DCLK2: variants seen among roughly 807,000 people sequenced by gnomAD.
DCLK2 encodes the protein serine/threonine-protein kinase DCLK2.
Under a neutral mutation model 78.4 loss-of-function variants are expected in DCLK2, and 31 were observed. That is an observed-to-expected ratio of 0.40 (90% confidence interval 0.30 to 0.53). DCLK2 has a LOEUF of 0.53. Ranked by LOEUF, DCLK2 falls within the 20% of genes least tolerant of loss-of-function variation. The probability of loss-of-function intolerance (pLI) is 0.61; values close to 1 mark genes in which losing one functional copy is unlikely to be tolerated. For missense variants in DCLK2, 872 were observed against 973.7 expected, an observed-to-expected ratio of 0.90 and a Z score of 1.39; for synonymous variants, 407 against 374.9, an observed-to-expected ratio of 1.09 and a Z score of -0.99.
intron 1 of DCLK2, among the ~76,000 whole-genome samples, chr4:150,086,340 A>G (rs1471674628): frequency 6.6e-6 from 1 of 152,166 alleles, no homozygotes; most frequent in African/African-American, 2.4e-5. Context: ...GTTAAAGGCA[A>G]ATATTCCTTG....
chr4:150,158,713 G>A (rs1735496765), intron 2 of DCLK2, among the ~76,000 whole-genome samples: 1 of 152,146 alleles, frequency 6.6e-6, no homozygotes, highest in South Asian at 2.1e-4. Context: ...AACTGAAATA[G>A]TAGTGATTAA....
At position 150,203,782 on chromosome 4, in the gene DCLK2, G is replaced by A; in HGVS notation, c.962-13G>A. ...TAATGGGACTTCTGTCTTCTTTGTT[G>A]TCTCATGGGCAGTTAATGGAACTCC... On this transcript the variant is annotated splice_polypyrimidine_tract_variant and intron_variant, in intron 4 of 15. Coordinates refer to ENST00000296550, the MANE Select transcript of DCLK2 (RefSeq NM_001040260.4). 2 of 1,606,738 alleles carry A rather than the reference G, an allele frequency of 1.2e-6. No homozygotes were observed. The highest frequency in any genetic ancestry group is 1.7e-6 in the Non-Finnish European group (2 of 1,173,652).
At chr4:150,223,607 G>A (rs927327560) in intron 7 of DCLK2, among the ~76,000 whole-genome samples, 1 of 152,122 alleles carries the variant, frequency 6.6e-6, no homozygotes, top group Non-Finnish European at 1.5e-5. Context: ...GCCCAGTGGT[G>A]TTGGCAGGTG....
intron 5 of DCLK2, among the ~76,000 whole-genome samples, chr4:150,217,001 C>T (rs1161492515): frequency 6.6e-6 from 1 of 152,186 alleles, no homozygotes; most frequent in East Asian, 1.9e-4. Flanking sequence ...TTTCTTTGTG[C>T]TGTCTCAGCA....
chr4:150,133,392 A>T (rs1733467263), intron 2 of DCLK2, among the ~76,000 whole-genome samples: 1 of 152,238 alleles, frequency 6.6e-6, no homozygotes, highest in South Asian at 2.1e-4. Context: ...AAATTTTAGC[A>T]AGTAGGGTGA....
chr4:150,223,407 C>G (rs947963859), intron 7 of DCLK2, among the ~76,000 whole-genome samples: 2 of 152,150 alleles, frequency 1.3e-5, no homozygotes. Context: ...TACTCAAAGA[C>G]ATTTTTGGCA....
In DCLK2 at chr4:150,185,157, A is replaced by G. The variant is rs114158420; in HGVS notation, c.757-7981A>G. Among the ~76,000 whole-genome samples, 178 of 152,298 alleles carry G rather than the reference A, an allele frequency of 1.2e-3. 1 individual carries two copies. The highest frequency in any genetic ancestry group is 4.0e-3 in the African/African-American group (166 of 41,556). ...CTGGGGAGGCCTCAGGAAACTTACA[A>G]TCATGCCAAAGGGGAAGAAAACATG... On this transcript the variant is annotated intron_variant, in intron 2 of 15. Coordinates refer to ENST00000296550, the MANE Select transcript of DCLK2 (RefSeq NM_001040260.4).
At chr4:150,156,527 C>T (rs1026106414) in intron 2 of DCLK2, among the ~76,000 whole-genome samples, 3 of 127,078 alleles carry the variant, frequency 2.4e-5, no homozygotes, top group Non-Finnish European at 1.7e-5. Context: ...AATAAATAGC[C>T]GGGCATGGTG....
chr4:150,096,704 C>A (rs1730491149), intron 1 of DCLK2, among the ~76,000 whole-genome samples: 1 of 152,196 alleles, frequency 6.6e-6, no homozygotes, highest in African/African-American at 2.4e-5. Flanking sequence ...TGAAATTAGA[C>A]AGAAAATGTG....
At chr4:150,203,597 A>G (rs1359275492) in intron 4 of DCLK2, among the ~76,000 whole-genome samples, 198 bp from the exon 5 acceptor site, 1 of 86,398 alleles carries the variant, frequency 1.2e-5, no homozygotes, top group African/African-American at 4.2e-5. Flanking sequence ...TTCTAGTTTC[A>G]CTCTGTTTTT....
At chr4:150,140,773 AG>A (rs1394236379) in intron 2 of DCLK2, among the ~76,000 whole-genome samples, 1 of 152,218 alleles carries the variant, frequency 6.6e-6, no homozygotes, top group African/African-American at 2.4e-5. Context: ...AATACTATAA[AG>A]AGGTTAAAAT....
intron 3 of DCLK2, among the ~76,000 whole-genome samples, chr4:150,197,690 G>A (rs558552054): frequency 1.2e-4 from 18 of 152,010 alleles, no homozygotes; most frequent in African/African-American, 4.3e-4. Context: ...AGGAGGCGGA[G>A]GTTGCAGTGA....
chr4:150,196,692 G>A (rs1293328122), intron 3 of DCLK2, among the ~76,000 whole-genome samples: 1 of 150,428 alleles, frequency 6.6e-6, no homozygotes, highest in Non-Finnish European at 1.5e-5. Context: ...CAGGCTTACA[G>A]CCAAGGCCCC....
intron 10 of DCLK2, among the ~76,000 whole-genome samples, 154 bp from the exon 11 acceptor site, chr4:150,239,588 G>A (rs571745561): frequency 1.3e-5 from 2 of 152,018 alleles, no homozygotes; most frequent in East Asian, 1.9e-4. Flanking sequence ...GCAACAAAGC[G>A]AGACCGTGTC....
At chr4:150,232,491 C>A in intron 9 of DCLK2, 35 bp downstream of exon 9, 1 of 1,606,944 alleles carries the variant, frequency 6.2e-7, no homozygotes, top group Non-Finnish European at 8.5e-7. Flanking sequence ...GGTGCCTAGT[C>A]CCACAATTTA....
intron 5 of DCLK2, among the ~76,000 whole-genome samples, chr4:150,215,906 G>A (rs1168277754): frequency 6.6e-6 from 1 of 152,212 alleles, no homozygotes; most frequent in African/African-American, 2.4e-5. Flanking sequence ...AGGAGGGCAG[G>A]AGAAGGTCAG....
At chr4:150,184,426 TAAA>T (rs1580669448) in intron 2 of DCLK2, among the ~76,000 whole-genome samples, 2 of 152,256 alleles carry the variant, frequency 1.3e-5, no homozygotes, top group East Asian at 3.9e-4. Flanking sequence ...TTTAAGAAAC[TAAA>T]ATATTTAGAC....
intron 2 of DCLK2, among the ~76,000 whole-genome samples, chr4:150,120,120 T>C (rs1732411848): frequency 6.6e-6 from 1 of 152,246 alleles, no homozygotes; most frequent in African/African-American, 2.4e-5. Flanking sequence ...TTATTCATCA[T>C]GCCTTTTGAA....
intron 2 of DCLK2, among the ~76,000 whole-genome samples, chr4:150,174,061 C>G (rs1245314520): frequency 6.6e-6 from 1 of 152,110 alleles, no homozygotes; most frequent in Non-Finnish European, 1.5e-5. Flanking sequence ...TCAGACACCG[C>G]ACTTTAGTGA....
Sources: allele counts gnomAD v4.1 joint callset (sites outside exome capture counted in the v4.1 genomes callset), GRCh38; gene constraint gnomAD v4.1.1; transcripts MANE v1.5; gene names NCBI Gene and HGNC (gene_info 2026-07-23, HGNC 2026-07-21).